The following USP45 variants were observed in gnomAD, a reference collection of about 807,000 sequenced individuals.
The protein encoded by USP45 is ubiquitin specific peptidase 45.
In USP45, 89 loss-of-function variants were observed where a neutral mutation model predicts 95.8. The ratio of observed to expected loss-of-function variants is 0.93; its 90% CI spans 0.78 to 1.11. The LOEUF is 1.11. Ranked by LOEUF, USP45 falls within the 50% of genes least tolerant of loss-of-function variation. The pLI is 0.00. For missense variants in USP45, 898 were observed against 942.5 expected (o/e 0.95, Z 0.62); for synonymous variants, 281 against 316.2 (o/e 0.89, Z 1.18).
rs1223457514 is a variant in USP45, at chr6:99,484,008, T to TTTTTTTTG, written c.715-1126_715-1125insCAAAAAAA. ...GACAGGCTATAATTTTCCATAGTTT[T>TTTTTTTTG]TTTTTTTTTTTTTTTTTAAAGAGAC... On this transcript the variant is annotated intron_variant, in intron 7 of 17. Transcript: ENST00000500704. Among the ~76,000 whole-genome samples the TTTTTTTTG allele has an allele frequency of 1.3e-4, 17 of 133,400 alleles. No individual in the cohort carries two copies. The East Asian group carries it at 1.5e-3, about 12-fold the overall frequency. The allele number at this position is 133,400 out of a possible 152,430, so 87.5% of individuals were successfully genotyped here.
intron 4 of USP45, among the ~76,000 whole-genome samples, chr6:99,507,067 C>T (rs1336069130): frequency 6.6e-6 from 1 of 152,076 alleles, no homozygotes; most frequent in Non-Finnish European, 1.5e-5. Context: ...ATTAGGCAGG[C>T]ATGGCGGCAT....
At position 99,434,197 on chromosome 6, in the gene USP45, T is replaced by C. The variant is rs1248982059; in HGVS notation, c.*1519A>G. The C allele has an allele frequency of 6.6e-6, 1 of 151,738 alleles. No individual in the cohort carries two copies. Among genetic ancestry groups the C allele is most frequent in the Non-Finnish European group, 1.5e-5 (1 of 67,788 alleles). The allele number at this position is 151,738 out of a possible 1,614,324, so 9.4% of individuals were successfully genotyped here. On this transcript the variant is annotated 3_prime_UTR_variant, in exon 18 of 18. Coordinates refer to ENST00000500704, the MANE Select transcript of USP45 (RefSeq NM_001346022.3). ...TTTAAGCTCTGCATTTTGTATACTA[T>C]TACCGTCTTTAATTACAGTTATGTT...
intron 14 of USP45, among the ~76,000 whole-genome samples, chr6:99,444,773 C>G (rs1354445965): frequency 5.9e-5 from 9 of 152,196 alleles, no homozygotes. Flanking sequence ...CATGTTTTCC[C>G]CTCACTCCCC....
At chr6:99,485,068 G>A (rs536246918) in intron 7 of USP45, among the ~76,000 whole-genome samples, 1 of 151,208 alleles carries the variant, frequency 6.6e-6, no homozygotes, top group East Asian at 2.0e-4. Context: ...AGTGGCTCAC[G>A]CCTGTAATCC....
chr6:99,472,527 T>C (rs1424661831), intron 9 of USP45, among the ~76,000 whole-genome samples: 1 of 152,128 alleles, frequency 6.6e-6, no homozygotes, highest in East Asian at 1.9e-4. Flanking sequence ...ACTTACATAA[T>C]TTTTAATTCC....
chr6:99,506,111 C>T (rs1277075962), intron 4 of USP45, among the ~76,000 whole-genome samples: 1 of 152,158 alleles, frequency 6.6e-6, no homozygotes, highest in Non-Finnish European at 1.5e-5. Flanking sequence ...ATGACCTCTT[C>T]TGTGAGCCAA....
chr6:99,510,960 T>C (rs11965974), intron 1 of USP45, among the ~76,000 whole-genome samples: 13,869 of 152,184 alleles, frequency 0.091, 2,010 homozygotes, highest in African/African-American at 0.3. Flanking sequence ...CAAAAATGGA[T>C]AGCTGTAAGC....
intron 13 of USP45, among the ~76,000 whole-genome samples, chr6:99,454,314 G>A (rs1327343392): frequency 2.6e-5 from 4 of 152,068 alleles, no homozygotes; most frequent in Non-Finnish European, 5.9e-5. Context: ...ATCAACTCAA[G>A]ATAGATAAAA....
intron 13 of USP45, among the ~76,000 whole-genome samples, chr6:99,453,058 A>G (rs972925584): frequency 6.6e-6 from 1 of 152,142 alleles, no homozygotes; most frequent in African/African-American, 2.4e-5. Context: ...GGAAAGCATT[A>G]GGAGATATAC....
chr6:99,443,628 C>A lies in USP45; in HGVS notation c.2010G>T (p.Arg670Ser). 6.2e-7 allele frequency: 1 copy of A among 1,608,416 alleles called. No homozygotes were observed. The highest frequency in any genetic ancestry group is 8.5e-7 in the Non-Finnish European group (1 of 1,176,890). ...GAACAGCAGAAATGAGCAATTGCTT[C>A]CTGGCATTAGTATAAACTCCTTCTA... is the stretch of plus-strand genomic sequence containing the variant. ...KKVEGVYTNA[R>S]KQLLISAVPA... Residue 670 changes from arginine to serine, a missense_variant, in exon 15 of 18, where the codon AGG becomes AGT. By Grantham distance (110) the Arg-to-Ser change is moderately radical. Coordinates refer to ENST00000500704, the MANE Select transcript of USP45 (RefSeq NM_001346022.3).
intron 5 of USP45, among the ~76,000 whole-genome samples, chr6:99,497,643 A>G (rs1000939057): frequency 4.6e-5 from 7 of 151,870 alleles, no homozygotes; most frequent in Non-Finnish European, 7.4e-5. Context: ...AGGCATTCCT[A>G]TCTGTCTCCA....
At chr6:99,464,157 T>G (rs1459746448) in intron 13 of USP45, among the ~76,000 whole-genome samples, 2 of 151,716 alleles carry the variant, frequency 1.3e-5, no homozygotes, top group Non-Finnish European at 2.9e-5. Context: ...AAATACAAAA[T>G]TAGCCAGGCG....
chr6:99,501,722 T>C (rs1797405202), intron 5 of USP45: 1 of 234,316 alleles, frequency 4.3e-6, no homozygotes, highest in East Asian at 1.3e-4. Context: ...ACTATTATCC[T>C]ATACACTCTT....
chr6:99,441,837 G>A (rs906400481), intron 15 of USP45, among the ~76,000 whole-genome samples: 4 of 151,922 alleles, frequency 2.6e-5, no homozygotes, highest in Admixed American at 1.3e-4. Context: ...TTTTCTTATT[G>A]ATCTTTAAGA....
At chr6:99,461,950 G>A in intron 13 of USP45, 1 of 985,324 alleles carries the variant, frequency 1.0e-6, no homozygotes, top group Non-Finnish European at 1.2e-6. Flanking sequence ...AACTGGTTCT[G>A]TAGTTGAACT....
intron 13 of USP45, chr6:99,462,027 G>A (rs895196209): frequency 3.1e-5 from 31 of 984,572 alleles, no homozygotes; most frequent in Non-Finnish European, 3.6e-5. Flanking sequence ...TTAAATTTTC[G>A]CTTCTTGAAT....
At chr6:99,476,616 TTTTTCA>T (rs904807693) in intron 8 of USP45, among the ~76,000 whole-genome samples, 7 of 152,224 alleles carry the variant, frequency 4.6e-5, no homozygotes, top group African/African-American at 1.4e-4. Flanking sequence ...ATACTAGTAG[TTTTTCA>T]CATGTTCAGG....
At chr6:99,473,496 C>T (rs1365716792) in intron 9 of USP45, among the ~76,000 whole-genome samples, 2 of 151,350 alleles carry the variant, frequency 1.3e-5, no homozygotes, top group African/African-American at 4.9e-5. Flanking sequence ...TGCAGTGAGC[C>T]GAGATCACAA....
chr6:99,499,788 G>A (rs1797013858), intron 5 of USP45, among the ~76,000 whole-genome samples: 1 of 152,158 alleles, frequency 6.6e-6, no homozygotes, highest in Non-Finnish European at 1.5e-5. Flanking sequence ...TCCTTTAAGG[G>A]TCAGCTTGAA....
Sources: gnomAD v4.1 joint callset for allele counts (sites outside exome capture counted in the v4.1 genomes callset) on GRCh38, gnomAD v4.1.1 for gene constraint, MANE v1.5 for transcripts, NCBI Gene and HGNC (gene_info 2026-07-23, HGNC 2026-07-21) for gene names.